FBXO11: variants seen among roughly 807,000 people sequenced by gnomAD.
FBXO11 encodes F-box only protein 11.
A neutral mutation model predicts 117.0 loss-of-function variants in FBXO11; 13 were observed. That is an observed-to-expected ratio of 0.11 (90% confidence interval 0.07 to 0.18). The LOEUF (loss-of-function observed/expected upper bound fraction) is 0.18. Among genes scored for constraint, FBXO11 ranks in the 10% least tolerant of loss-of-function variants. The probability of loss-of-function intolerance (pLI) is 1.00; values close to 1 mark genes in which losing one functional copy is unlikely to be tolerated. For synonymous variants in FBXO11, 490 were observed against 380.5 expected (o/e 1.29, Z -3.35); for missense variants, 767 against 1,164.4 (o/e 0.66, Z 4.97).
intron 14 of FBXO11, 39 bp downstream of exon 14, chr2:47,820,323 G>A: frequency 6.6e-7 from 1 of 1,509,396 alleles, no homozygotes; most frequent in Non-Finnish European, 9.2e-7. Context: ...CCCTGGTTTT[G>A]ATGCATGAGT....
At chr2:47,824,721 A>T (rs1671622032) in intron 11 of FBXO11, among the ~76,000 whole-genome samples, 1 of 152,190 alleles carries the variant, frequency 6.6e-6, no homozygotes, top group Non-Finnish European at 1.5e-5. Flanking sequence ...TGAGATGATT[A>T]TGAGTGGTGG....
At chr2:47,860,632 C>A (rs539062059) in intron 1 of FBXO11, among the ~76,000 whole-genome samples, 1 of 151,482 alleles carries the variant, frequency 6.6e-6, no homozygotes, top group Non-Finnish European at 1.5e-5. Context: ...GTCTCGAACT[C>A]CTGAACTCAG....
Position 47,809,667 on chromosome 2 carries a change from G to A in FBXO11, c.2379C>T (p.Gly793=). 6.2e-7 allele frequency: 1 copy of A among 1,613,446 alleles called. No individual in the cohort carries two copies. Among genetic ancestry groups the A allele is most frequent in the Non-Finnish European group, 8.5e-7 (1 of 1,179,774 alleles). The stretch of plus-strand genomic sequence containing the variant: ...CAAACCGGTTGTTAAAAATCTGATT[G>A]CCTTCTAGTGTTGCAGTTGCGTGAT... The part of the protein sequence containing the change: ...ITNHATATLE[G]NQIFNNRFGG... The change falls in exon 20 of 23, where the codon GGC becomes GGT. Residue 793 remains glycine, a synonymous_variant. Coordinates refer to ENST00000403359, the MANE Select transcript of FBXO11 (RefSeq NM_001190274.2).
intron 1 of FBXO11, among the ~76,000 whole-genome samples, chr2:47,879,472 T>C (rs1327049491): frequency 3.9e-5 from 6 of 152,234 alleles, no homozygotes; most frequent in South Asian, 2.1e-4. Flanking sequence ...ACTATAATCA[T>C]TGTAGTTTTA....
chr2:47,854,643 TA>T (rs1281737610), intron 1 of FBXO11, among the ~76,000 whole-genome samples: 1 of 151,986 alleles, frequency 6.6e-6, no homozygotes, highest in Non-Finnish European at 1.5e-5. Flanking sequence ...ATAAATTAAT[TA>T]GAATTATGTG....
chr2:47,893,367 T>TAC (rs1304570539), intron 1 of FBXO11, among the ~76,000 whole-genome samples: 38 of 151,064 alleles, frequency 2.5e-4, no homozygotes, highest in Admixed American at 7.9e-4. Context: ...TATATATATA[T>TAC]ACACACATAC....
intron 16 of FBXO11, among the ~76,000 whole-genome samples, chr2:47,815,249 G>A (rs370831595): frequency 3.9e-5 from 6 of 152,164 alleles, no homozygotes; most frequent in Non-Finnish European, 8.8e-5. Context: ...CTGGCCTAAC[G>A]GTGATGGACA....
intron 11 of FBXO11, among the ~76,000 whole-genome samples, chr2:47,832,001 A>C (rs1182456566): frequency 6.6e-6 from 1 of 152,160 alleles, no homozygotes. Context: ...CCATCCTTGG[A>C]AATTTTGATT....
Position 47,807,024 on chromosome 2 carries a change from T to TGTG in FBXO11, c.*1093_*1094insCAC. The stretch of plus-strand genomic sequence containing the variant: ...TATCTACCTTCTACATAATGGTTAT[T>TGTG]GAATACTCCACAATATATTAAGTCT... On this transcript the variant is annotated 3_prime_UTR_variant, in exon 23 of 23. Coordinates refer to ENST00000403359, the MANE Select transcript of FBXO11 (RefSeq NM_001190274.2). The TGTG allele has an allele frequency of 1.5e-6, 1 of 648,668 alleles. No homozygotes were observed. Among genetic ancestry groups the TGTG allele is most frequent in the South Asian group, 1.8e-5 (1 of 55,734 alleles). 40.2% of individuals were successfully genotyped at this position (648,668 alleles called of 1,614,324 possible).
chr2:47,875,439 A>G (rs1675927542), intron 1 of FBXO11, among the ~76,000 whole-genome samples: 2 of 151,720 alleles, frequency 1.3e-5, no homozygotes, highest in African/African-American at 4.8e-5. Context: ...AAACTGAAAA[A>G]TGACTATTTA....
chr2:47,877,715 C>T (rs1030093872), intron 1 of FBXO11, among the ~76,000 whole-genome samples: 23 of 152,202 alleles, frequency 1.5e-4, no homozygotes, highest in Admixed American at 6.5e-4. Context: ...GATGGAGTCT[C>T]GCTTTGTCGC....
chr2:47,812,254 A>G (rs371553113), intron 18 of FBXO11, among the ~76,000 whole-genome samples: 7 of 152,298 alleles, frequency 4.6e-5, no homozygotes, highest in Admixed American at 2.6e-4. Flanking sequence ...TTCATTTAGC[A>G]TATCTCTAGC....
At chr2:47,886,883 T>A (rs867290934) in intron 1 of FBXO11, among the ~76,000 whole-genome samples, 2 of 151,872 alleles carry the variant, frequency 1.3e-5, no homozygotes, top group Middle Eastern at 6.8e-3. Context: ...AAAAAAAAAA[T>A]TAAAAATTAA....
At chr2:47,888,727 C>A in intron 1 of FBXO11, 2 of 935,488 alleles carry the variant, frequency 2.1e-6, no homozygotes, top group Non-Finnish European at 2.5e-6. Flanking sequence ...GATACAGTAT[C>A]ATGTGTTTAT....
intron 1 of FBXO11, among the ~76,000 whole-genome samples, chr2:47,844,175 T>G (rs1673228134): frequency 6.6e-6 from 1 of 152,250 alleles, no homozygotes; most frequent in South Asian, 2.1e-4. Flanking sequence ...AAAAGTTAAT[T>G]TTTTCCAAGT....
At chr2:47,829,002 C>T (rs751341556) in intron 11 of FBXO11, among the ~76,000 whole-genome samples, 1 of 151,258 alleles carries the variant, frequency 6.6e-6, no homozygotes, top group African/African-American at 2.4e-5. Flanking sequence ...GCAACCTCCA[C>T]CTCCCACCTC....
chr2:47,883,519 C>A (rs536037080), intron 1 of FBXO11: 25 of 393,786 alleles, frequency 6.3e-5, no homozygotes, highest in African/African-American at 5.2e-4. Context: ...CCCTTGGATA[C>A]AACAGAAAAT....
At chr2:47,898,232 A>G (rs1227385839) in intron 1 of FBXO11, among the ~76,000 whole-genome samples, 1 of 152,220 alleles carries the variant, frequency 6.6e-6, no homozygotes, top group Non-Finnish European at 1.5e-5. Context: ...CATTTTTGAT[A>G]TTTGCCTTCA....
chr2:47,884,428 T>C (rs1214791195), intron 1 of FBXO11, among the ~76,000 whole-genome samples: 9 of 152,196 alleles, frequency 5.9e-5, no homozygotes, highest in Non-Finnish European at 1.0e-4. Context: ...TTTAAACTAA[T>C]AGCTTCTGTC....
Sources: gnomAD v4.1 joint callset for allele counts (sites outside exome capture counted in the v4.1 genomes callset) on GRCh38, gnomAD v4.1.1 for gene constraint, MANE v1.5 for transcripts, NCBI Gene and HGNC (gene_info 2026-07-23, HGNC 2026-07-21) for gene names.